P2RX5: variants seen among roughly 807,000 people sequenced by gnomAD.
The protein encoded by P2RX5 is purinergic receptor P2X 5, also known as P2X purinoceptor 5.
In P2RX5, 46 loss-of-function variants were observed where a neutral mutation model predicts 54.1. The observed-to-expected ratio is 0.85, with a 90% CI of 0.67 to 1.09. The LOEUF (loss-of-function observed/expected upper bound fraction) is 1.09, where lower values mean the gene tolerates loss of function less well. P2RX5 is among the 50% of genes least tolerant of loss of function. The pLI is 0.00. For missense variants in P2RX5, 566 were observed against 549.8 expected (o/e 1.03, Z -0.29); for synonymous variants, 226 against 226.4 (o/e 1.00, Z 0.02).
At chr17:3,689,371 G>A (rs1393769467) in intron 7 of P2RX5, 121 bp downstream of exon 7, 1 of 802,626 alleles carries the variant, frequency 1.2e-6, no homozygotes, top group Non-Finnish European at 2.1e-6. Flanking sequence ...GTCCCTGGGG[G>A]CAGGTGACTT....
chr17:3,717,519 A>G, the P2RX5 span: 1 of 152,078 alleles, frequency 6.6e-6, no homozygotes, highest in African/African-American at 2.4e-5. Context: ...CCTTCCTGAG[A>G]CCCAGGTATG....
intron 11 of P2RX5, chr17:3,675,238 C>T (rs558544687): frequency 3.9e-4 from 164 of 421,908 alleles, no homozygotes; most frequent in African/African-American, 2.7e-3. Flanking sequence ...CAGGGTTTCA[C>T]CATGTTGCCC....
At chr17:3,693,627 A>C (rs1394586048) in intron 1 of P2RX5, among the ~76,000 whole-genome samples, 1 of 152,102 alleles carries the variant, frequency 6.6e-6, no homozygotes, top group East Asian at 1.9e-4. Context: ...AATCCCAGTT[A>C]ATCCAGAGGC....
chr17:3,700,237 TAAA>T (rs1433300863), upstream of P2RX5, among the ~76,000 whole-genome samples: 2 of 152,076 alleles, frequency 1.3e-5, no homozygotes, highest in Non-Finnish European at 2.9e-5. Context: ...CCTGCCTTAT[TAAA>T]AGTCCAAGTC....
At chr17:3,693,767 T>C (rs2050681910) in intron 1 of P2RX5, among the ~76,000 whole-genome samples, 1 of 151,186 alleles carries the variant, frequency 6.6e-6, no homozygotes, top group Admixed American at 6.6e-5. Flanking sequence ...AATTAAAAAT[T>C]GAAAAATTGA....
intron 7 of P2RX5, 136 bp from the exon 8 acceptor site, chr17:3,688,895 A>T: frequency 1.1e-6 from 1 of 907,050 alleles, no homozygotes; most frequent in South Asian, 1.3e-5. Flanking sequence ...ACCACCCTCC[A>T]GGAGGCTTAG....
chr17:3,700,616 T>C (rs2050810566), upstream of P2RX5, among the ~76,000 whole-genome samples: 1 of 152,104 alleles, frequency 6.6e-6, no homozygotes, highest in Non-Finnish European at 1.5e-5. Flanking sequence ...GCCTGCTGCT[T>C]TCGAGTGATA....
intron 9 of P2RX5, among the ~76,000 whole-genome samples, chr17:3,683,536 G>T (rs1449495775): frequency 6.6e-6 from 1 of 152,192 alleles, no homozygotes; most frequent in Non-Finnish European, 1.5e-5. Context: ...TTGGAGACCA[G>T]CCTGGCCAAC....
the P2RX5 span, chr17:3,714,522 G>A: frequency 0.4 from 78,083 of 194,312 alleles, 18,200 homozygotes; most frequent in South Asian, 0.58. Context: ...CATCATGCCC[G>A]GCCACAATCT....
chr17:3,705,846 C>T, the P2RX5 span, among the ~76,000 whole-genome samples: 16 of 151,960 alleles, frequency 1.1e-4, no homozygotes, highest in Non-Finnish European at 1.6e-4. Flanking sequence ...CCCAGGCTGG[C>T]GTGCAGTGGC....
rs767471685 is a variant in P2RX5, at chr17:3,679,623, C to T, written c.1226G>A (p.Gly409Glu). The change falls in exon 11 of 12, where the codon GGA becomes GAA. Residue 409 changes from glycine to glutamate, a missense_variant. Coordinates refer to ENST00000225328, the MANE Select transcript of P2RX5 (RefSeq NM_002561.4). ...KRGSSSQKGNGSVCPQLLEPH... is the reference protein window; with the variant it reads ...KRGSSSQKGNESVCPQLLEPH... ...CTCCAGGAGCTGTGGGCACACAGAT[C>T]CGTTCCCCTTCTGACTGCTGCTTCC... The T allele has an allele frequency of 9.9e-6, 16 of 1,608,762 alleles. No homozygotes were observed. The highest frequency in any genetic ancestry group is 1.6e-4 in the Middle Eastern group (1 of 6,080).
chr17:3,689,191 C>T (rs1408642588), intron 7 of P2RX5, among the ~76,000 whole-genome samples: 1 of 151,946 alleles, frequency 6.6e-6, no homozygotes, highest in Non-Finnish European at 1.5e-5. Flanking sequence ...CACTGAGTCC[C>T]TGGGGGCAGG....
chr17:3,688,533 C>A, intron 8 of P2RX5, 93 bp downstream of exon 8: 1 of 1,397,008 alleles, frequency 7.2e-7, no homozygotes, highest in Non-Finnish European at 1.0e-6. Flanking sequence ...CTGACACCCA[C>A]CCCCAGGAAG....
At chr17:3,710,570 A>G in the P2RX5 span, among the ~76,000 whole-genome samples, 1 of 151,926 alleles carries the variant, frequency 6.6e-6, no homozygotes, top group African/African-American at 2.4e-5. Flanking sequence ...AATCTTAACC[A>G]AAAACCCCTC....
the P2RX5 span, among the ~76,000 whole-genome samples, chr17:3,706,540 C>A: frequency 6.6e-6 from 1 of 152,214 alleles, no homozygotes; most frequent in South Asian, 2.1e-4. Flanking sequence ...ACACACTGAT[C>A]TCATAATTAG....
chr17:3,679,640 G>C lies in P2RX5; in HGVS notation c.1209C>G (p.Ser403Arg). ...ACACAGATCCGTTCCCCTTCTGACTGCTGCTTCCACGCTTCGCCTCGGGTG... is the reference window on the plus strand; with the variant it reads ...ACACAGATCCGTTCCCCTTCTGACTCCTGCTTCCACGCTTCGCCTCGGGTG... Reference protein sequence around the residue: ...QEPPEAKRGSSSQKGNGSVCP... With the variant: ...QEPPEAKRGSRSQKGNGSVCP... Residue 403 changes from serine (S) to arginine (R), a missense_variant, in exon 11 of 12, where the codon AGC becomes AGG. Transcript: ENST00000225328. 1 of 1,609,988 alleles carries C rather than the reference G, an allele frequency of 6.2e-7. No individual in the cohort carries two copies. The highest frequency in any genetic ancestry group is 1.3e-5 in the African/African-American group (1 of 75,004).
chr17:3,688,339 C>T (rs1175103917), intron 8 of P2RX5, among the ~76,000 whole-genome samples: 1 of 152,210 alleles, frequency 6.6e-6, no homozygotes, highest in Non-Finnish European at 1.5e-5. Flanking sequence ...CTACTCTGAG[C>T]AACCCTTGGG....
chr17:3,723,345 A>G, the P2RX5 span: 1 of 1,613,996 alleles, frequency 6.2e-7, no homozygotes. Context: ...CTTTATCTGA[A>G]GCGATGACAC....
In P2RX5 at chr17:3,695,892, G is replaced by C. The variant is rs747424262; in HGVS notation, c.114C>G (p.Ala38=). 14 of 1,613,954 alleles carry C rather than the reference G, an allele frequency of 8.7e-6. No homozygotes were observed. Among genetic ancestry groups the C allele is most frequent in the Non-Finnish European group, 1.2e-5 (14 of 1,180,004 alleles). Residue 38 remains alanine (A), a synonymous_variant, in exon 1 of 12, where the codon GCC becomes GCG. Transcript: ENST00000225328. ...ACACGACCAGGTACGCCAGGATGGAGGCCTGCAGCAGCCGGTACAGCAGGC... is the reference window on the plus strand; with the variant it reads ...ACACGACCAGGTACGCCAGGATGGACGCCTGCAGCAGCCGGTACAGCAGGC... ...KVGLLYRLLQ[A]SILAYLVVWV... is the part of the protein sequence containing the mutation.
Sources: gnomAD v4.1 joint callset for allele counts (sites outside exome capture counted in the v4.1 genomes callset) on GRCh38, gnomAD v4.1.1 for gene constraint, MANE v1.5 for transcripts, NCBI Gene and HGNC (gene_info 2026-07-23, HGNC 2026-07-21) for gene names.